Variants in EIF3H observed in about 807,000 individuals in gnomAD.
The protein encoded by EIF3H is eukaryotic translation initiation factor 3 subunit H, also known as eIF-3-gamma.
EIF3H carries 26 observed loss-of-function variants against 44.2 expected under a neutral mutation model. That is an observed-to-expected ratio of 0.59 (90% confidence interval 0.43 to 0.82). EIF3H has a LOEUF of 0.82. EIF3H is among the 40% of genes least tolerant of loss of function. The pLI is 0.00. For missense variants in EIF3H, 359 were observed against 432.8 expected, an observed-to-expected ratio of 0.83 and a Z score of 1.51; for synonymous variants, 166 against 151.9, an observed-to-expected ratio of 1.09 and a Z score of -0.68.
intron 1 of EIF3H, among the ~76,000 whole-genome samples, chr8:116,743,520 G>A (rs1237889371): frequency 6.6e-6 from 1 of 151,674 alleles, no homozygotes; most frequent in East Asian, 1.9e-4. Context: ...GAGGCAGGCG[G>A]ATCACTTGAG....
chr8:116,731,334 C>A (rs180843053), intron 1 of EIF3H, among the ~76,000 whole-genome samples: 2 of 152,246 alleles, frequency 1.3e-5, no homozygotes, highest in African/African-American at 4.8e-5. Flanking sequence ...TAACTGATAC[C>A]GGCTGGGTTC....
chr8:116,729,032 T>C (rs1814906141), intron 1 of EIF3H, among the ~76,000 whole-genome samples: 1 of 152,228 alleles, frequency 6.6e-6, no homozygotes, highest in Middle Eastern at 3.4e-3. Context: ...ATAGAACAAA[T>C]ACAGGTGATC....
intron 2 of EIF3H, among the ~76,000 whole-genome samples, chr8:116,695,023 C>A (rs1193208298): frequency 6.8e-6 from 1 of 147,702 alleles, no homozygotes; most frequent in Admixed American, 6.8e-5. Flanking sequence ...GCAGCAGCAA[C>A]AAAATGATGT....
chr8:116,669,615 C>T (rs1813721326), intron 2 of EIF3H, among the ~76,000 whole-genome samples: 2 of 152,102 alleles, frequency 1.3e-5, no homozygotes, highest in Admixed American at 6.5e-5. Flanking sequence ...ACCTCAGCTG[C>T]CCAAAGATAA....
intron 2 of EIF3H, among the ~76,000 whole-genome samples, chr8:116,709,845 G>A (rs561495936): frequency 2.0e-5 from 3 of 152,334 alleles, no homozygotes; most frequent in Admixed American, 6.5e-5. Context: ...AATAAGAAAA[G>A]GGTAGCGTGA....
At position 116,648,805 on chromosome 8, in the gene EIF3H, C is replaced by A; in HGVS notation, c.828+1G>T. 1 of 1,599,632 alleles carries A rather than the reference C, an allele frequency of 6.3e-7. No individual in the cohort carries two copies. The highest frequency in any genetic ancestry group is 8.5e-7 in the Non-Finnish European group (1 of 1,173,622). On this transcript the variant is annotated splice_donor_variant, in intron 6 of 7. Transcript: ENST00000521861. LOFTEE classifies it high-confidence loss of function. The stretch of plus-strand genomic sequence containing the variant: ...TTGTTGAATTTTTCCACAATACCAA[C>A]CTGATGTTTCTGCTGCTGTTGTTTA...
chr8:116,644,706 G>C lies in EIF3H; in HGVS notation c.*300C>G. 3.8e-6 allele frequency: 1 copy of C among 266,038 alleles called. No homozygotes were observed. The highest frequency in any genetic ancestry group is 1.2e-3 in the Middle Eastern group (1 of 814). The allele number at this position is 266,038 out of a possible 1,614,324, so 16.5% of individuals were successfully genotyped here. ...GCACCTGAGAGGCAGCAAAAGTGGT[G>C]GAGCCTATAGGTTTCTGCCTGGTGA... is the stretch of plus-strand genomic sequence containing the variant. On this transcript the variant is annotated 3_prime_UTR_variant, in exon 8 of 8. Coordinates refer to ENST00000521861, the MANE Select transcript of EIF3H (RefSeq NM_003756.3).
intron 2 of EIF3H, among the ~76,000 whole-genome samples, chr8:116,674,155 GAATT>G: frequency 6.8e-6 from 1 of 148,094 alleles, no homozygotes. Context: ...CTTCCACAAT[GAATT>G]AAGATTAGAA....
At chr8:116,699,957 G>A (rs535576102) in intron 2 of EIF3H, among the ~76,000 whole-genome samples, 1 of 152,136 alleles carries the variant, frequency 6.6e-6, no homozygotes, top group Admixed American at 6.5e-5. Flanking sequence ...TTACAGGCAT[G>A]CACCACCATG....
At chr8:116,702,456 TAA>T (rs1375269662) in intron 2 of EIF3H, among the ~76,000 whole-genome samples, 1 of 152,218 alleles carries the variant, frequency 6.6e-6, no homozygotes, top group Non-Finnish European at 1.5e-5. Flanking sequence ...TGCCTTGTGA[TAA>T]GTTTGTCCTA....
At chr8:116,703,754 C>T (rs1814420537) in intron 2 of EIF3H, among the ~76,000 whole-genome samples, 1 of 152,142 alleles carries the variant, frequency 6.6e-6, no homozygotes, top group African/African-American at 2.4e-5. Context: ...AATAACAGCA[C>T]ACCCAGGCAT....
At chr8:116,741,349 G>A (rs889129643) in intron 1 of EIF3H, among the ~76,000 whole-genome samples, 3 of 151,854 alleles carry the variant, frequency 2.0e-5, no homozygotes, top group Non-Finnish European at 2.9e-5. Context: ...TCAATCAGCT[G>A]GACATACTAT....
At chr8:116,748,319 T>C (rs965204133) in intron 1 of EIF3H, among the ~76,000 whole-genome samples, 1 of 152,118 alleles carries the variant, frequency 6.6e-6, no homozygotes, top group African/African-American at 2.4e-5. Flanking sequence ...TAACAAAAAA[T>C]TTAACCAAAC....
intron 2 of EIF3H, among the ~76,000 whole-genome samples, chr8:116,673,309 T>C (rs1313498365): frequency 2.6e-5 from 4 of 152,154 alleles, no homozygotes; most frequent in African/African-American, 9.7e-5. Flanking sequence ...ACACACTATA[T>C]CTAAAAATTA....
chr8:116,721,754 A>G lies in EIF3H; in HGVS notation c.289+4262T>C, dbSNP rs146976902. 1.4e-3 allele frequency among the ~76,000 whole-genome samples: 214 copies of G among 152,362 alleles called. 1 individual carries two copies. The highest frequency in any genetic ancestry group is 6.8e-3 in the Middle Eastern group (2 of 294). Reference sequence around the variant, plus strand: ...TGGAGTTTTAAGATCTGACTGCCCCACTGGATTTCAAGACTTGCCTGGGGC... The same window carrying G: ...TGGAGTTTTAAGATCTGACTGCCCCGCTGGATTTCAAGACTTGCCTGGGGC... On this transcript the variant is annotated intron_variant, in intron 2 of 7. Coordinates refer to ENST00000521861, the MANE Select transcript of EIF3H (RefSeq NM_003756.3).
At chr8:116,754,887 G>C (rs1179755114) in intron 1 of EIF3H, among the ~76,000 whole-genome samples, 12 of 152,152 alleles carry the variant, frequency 7.9e-5, no homozygotes, top group Non-Finnish European at 1.0e-4. Context: ...TCTAAGATCT[G>C]CATTAATAGG....
At chr8:116,677,922 C>A (rs1813875842) in intron 2 of EIF3H, among the ~76,000 whole-genome samples, 1 of 152,188 alleles carries the variant, frequency 6.6e-6, no homozygotes, top group African/African-American at 2.4e-5. Flanking sequence ...TCAGAAATTA[C>A]CTAACAGGTC....
At chr8:116,664,266 A>G (rs1291098845) in intron 2 of EIF3H, among the ~76,000 whole-genome samples, 1 of 152,212 alleles carries the variant, frequency 6.6e-6, no homozygotes, top group African/African-American at 2.4e-5. Context: ...GGACTGTCCA[A>G]CAACTATCCC....
intron 1 of EIF3H, among the ~76,000 whole-genome samples, chr8:116,754,173 G>C (rs188475196): frequency 2.4e-4 from 36 of 152,100 alleles, no homozygotes; most frequent in African/African-American, 8.2e-4. Flanking sequence ...GAGTGCAGTG[G>C]CACAATCTCG....
Sources: gnomAD v4.1 joint callset for allele counts (sites outside exome capture counted in the v4.1 genomes callset) on GRCh38, gnomAD v4.1.1 for gene constraint, MANE v1.5 for transcripts, NCBI Gene and HGNC (gene_info 2026-07-23, HGNC 2026-07-21) for gene names.